The following VPS13B variants were observed in gnomAD, a reference collection of about 807,000 sequenced individuals.
VPS13B encodes the protein intermembrane lipid transfer protein VPS13B.
Under a neutral mutation model 426.4 loss-of-function variants are expected in VPS13B, and 285 were observed. The ratio of observed to expected loss-of-function variants is 0.67; its 90% confidence interval spans 0.61 to 0.74. The LOEUF is 0.74. Among genes scored for constraint, VPS13B ranks in the 30% least tolerant of loss-of-function variants. The pLI is 0.00. For missense variants in VPS13B, 4,537 were observed against 4,782.6 expected (o/e 0.95, Z 1.51); for synonymous variants, 1,676 against 1,676.4 (o/e 1.00, Z 0.01).
At chr8:99,460,739 T>G (rs375786439) in intron 23 of VPS13B, among the ~76,000 whole-genome samples, 1 of 152,190 alleles carries the variant, frequency 6.6e-6, no homozygotes, top group East Asian at 1.9e-4. Context: ...GTTTTGTTTT[T>G]TTTTTCTTCC....
intron 30 of VPS13B, among the ~76,000 whole-genome samples, chr8:99,546,875 T>C (rs1449845901): frequency 6.6e-6 from 1 of 152,130 alleles, no homozygotes; most frequent in East Asian, 1.9e-4. Flanking sequence ...TTGGAATTAG[T>C]ACTTGTTTAC....
At position 99,121,271 on chromosome 8, in the gene VPS13B, A is replaced by G. The variant is rs1847920874; in HGVS notation, c.1032A>G (p.Gly344=). ...AGCAAGATGAGGAGCAGCCACAGGG[A>G]TGGGTGTCATGGGCCTGGTCCTTTG... ...YSQQDEEQPQ[G]WVSWAWSFVP... is the part of the protein sequence containing the mutation. Residue 344 remains glycine, a synonymous_variant, in exon 8 of 62, where the codon GGA becomes GGG. Coordinates refer to ENST00000357162, the MANE Select transcript of VPS13B (RefSeq NM_152564.5). 6.2e-7 allele frequency: 1 copy of G among 1,614,028 alleles called. No individual in the cohort carries two copies. Among genetic ancestry groups the G allele is most frequent in the Non-Finnish European group, 8.5e-7 (1 of 1,180,020 alleles).
intron 33 of VPS13B, among the ~76,000 whole-genome samples, chr8:99,601,847 G>A (rs1827314868): frequency 6.6e-6 from 1 of 152,136 alleles, no homozygotes; most frequent in Non-Finnish European, 1.5e-5. Flanking sequence ...TGATGGGGTT[G>A]TTTCTTTCTT....
chr8:99,868,945 A>C (rs1817250054), intron 59 of VPS13B, among the ~76,000 whole-genome samples: 1 of 152,150 alleles, frequency 6.6e-6, no homozygotes, highest in Non-Finnish European at 1.5e-5. Context: ...GCAGAAACAA[A>C]GGGTCTGCAA....
chr8:99,753,508 A>C (rs1810497066), intron 39 of VPS13B, among the ~76,000 whole-genome samples: 1 of 152,212 alleles, frequency 6.6e-6, no homozygotes, highest in Non-Finnish European at 1.5e-5. Context: ...ACCATAAACT[A>C]GTAAAGTTGC....
At chr8:99,636,470 T>G (rs185888017) in intron 33 of VPS13B, among the ~76,000 whole-genome samples, 80 of 152,118 alleles carry the variant, frequency 5.3e-4, no homozygotes, top group African/African-American at 1.8e-3. Context: ...TCTTAAAGGT[T>G]ATTTTACCAA....
chr8:99,081,735 G>C (rs1845474782), intron 3 of VPS13B, among the ~76,000 whole-genome samples: 1 of 151,920 alleles, frequency 6.6e-6, no homozygotes, highest in African/African-American at 2.4e-5. Flanking sequence ...CCTTGCGATA[G>C]TTTGCTGAGT....
chr8:99,452,809 G>T lies in VPS13B; in HGVS notation c.3445+10174G>T, dbSNP rs138290381. ...AATGTGTCATCTGATTTCAATTGCT[G>T]TGGAAAGGGAGAGATGATCTCTAAT... On this transcript the variant is annotated intron_variant, in intron 23 of 61. Coordinates refer to ENST00000357162, the MANE Select transcript of VPS13B (RefSeq NM_152564.5). Among the ~76,000 whole-genome samples the T allele has an allele frequency of 3.3e-3, 495 of 152,292 alleles. 2 individuals carry two copies. The highest frequency in any genetic ancestry group is 0.011 in the African/African-American group (474 of 41,578).
intron 2 of VPS13B, among the ~76,000 whole-genome samples, chr8:99,030,673 T>G (rs2132191774): frequency 1.3e-5 from 2 of 152,336 alleles, no homozygotes; most frequent in South Asian, 4.1e-4. Flanking sequence ...CAATATATTA[T>G]GCGTTCAGAA....
chr8:99,778,978 C>G lies in VPS13B; in HGVS notation c.7726C>G (p.Leu2576Val). Residue 2576 changes from leucine (L) to valine (V), a missense_variant, in exon 42 of 62, where the codon CTT becomes GTT. By Grantham distance (32) the Leu-to-Val change is conservative. Transcript: ENST00000357162. ...GATAGTTGATTCTGTATTTGTAAAC[C>G]TTGGACAGCATGTAGTCCATTCACT... ...TVIVDSVFVNLGQHVVHSLNT... is the reference protein window; with the variant it reads ...TVIVDSVFVNVGQHVVHSLNT... 1 of 1,613,854 alleles carries G rather than the reference C, an allele frequency of 6.2e-7. No homozygotes were observed.
At chr8:99,591,834 G>A (rs4735622) in intron 33 of VPS13B, among the ~76,000 whole-genome samples, 6,420 of 151,920 alleles carry the variant, frequency 0.042, 147 homozygotes, top group East Asian at 0.06. Flanking sequence ...TGTTTCTTGG[G>A]GTTGCTCTTC....
At chr8:99,155,952 A>G (rs1040945947) in intron 14 of VPS13B, among the ~76,000 whole-genome samples, 8 of 152,148 alleles carry the variant, frequency 5.3e-5, no homozygotes, top group African/African-American at 1.9e-4. Context: ...CTTGAAACTT[A>G]CCTGTATTTA....
chr8:99,669,051 A>T (rs891039194), intron 35 of VPS13B, among the ~76,000 whole-genome samples: 1 of 152,168 alleles, frequency 6.6e-6, no homozygotes, highest in African/African-American at 2.4e-5. Context: ...CATAATTGAA[A>T]GCAGGGCCAC....
At chr8:99,488,266 A>G (rs572900502) in intron 25 of VPS13B, among the ~76,000 whole-genome samples, 9 of 152,150 alleles carry the variant, frequency 5.9e-5, no homozygotes, top group Admixed American at 5.2e-4. Flanking sequence ...GTATATTTCA[A>G]AATTTTGGCA....
intron 44 of VPS13B, 82 bp downstream of exon 44, chr8:99,809,612 A>T: frequency 6.4e-7 from 1 of 1,558,790 alleles, no homozygotes; most frequent in Non-Finnish European, 8.8e-7. Context: ...AATTTTTTTA[A>T]AATCACAGTG....
intron 17 of VPS13B, among the ~76,000 whole-genome samples, chr8:99,231,999 A>G (rs1816348728): frequency 6.6e-6 from 1 of 152,148 alleles, no homozygotes; most frequent in African/African-American, 2.4e-5. Context: ...TAGGACAAGT[A>G]CCATTGACTC....
chr8:99,197,416 C>A (rs1483064477), intron 17 of VPS13B, among the ~76,000 whole-genome samples: 1 of 152,164 alleles, frequency 6.6e-6, no homozygotes, highest in Non-Finnish European at 1.5e-5. Context: ...TGGTAGAATT[C>A]ATCCAGTCCA....
intron 19 of VPS13B, among the ~76,000 whole-genome samples, chr8:99,368,700 A>G (rs1336706323): frequency 6.6e-6 from 1 of 152,120 alleles, no homozygotes; most frequent in African/African-American, 2.4e-5. Context: ...GTGTTTACCT[A>G]TTTTGTACCC....
In VPS13B at chr8:99,175,707, T is replaced by C. The variant is rs188639476; in HGVS notation, c.2333+5544T>C. Among the ~76,000 whole-genome samples the C allele has an allele frequency of 5.6e-3, 854 of 152,194 alleles. 7 individuals are homozygous for C. The highest frequency in any genetic ancestry group is 9.0e-3 in the Non-Finnish European group (609 of 67,986). Reference sequence around the variant, plus strand: ...GGGAGATTGAGGCTGCAGTGAGCCATGATCATGCCACTGCTCTCCAGCCTG... The same window carrying C: ...GGGAGATTGAGGCTGCAGTGAGCCACGATCATGCCACTGCTCTCCAGCCTG... On this transcript the variant is annotated intron_variant, in intron 16 of 61. Transcript: ENST00000357162.
Sources: allele counts gnomAD v4.1 joint callset (sites outside exome capture counted in the v4.1 genomes callset), GRCh38; gene constraint gnomAD v4.1.1; transcripts MANE v1.5; gene names NCBI Gene and HGNC (gene_info 2026-07-23, HGNC 2026-07-21).